The following ZDHHC14 variants were observed in gnomAD, a reference collection of about 807,000 sequenced individuals.
ZDHHC14 encodes palmitoyltransferase ZDHHC14.
ZDHHC14 carries 16 observed loss-of-function variants against 47.7 expected under a neutral mutation model. The ratio of observed to expected loss-of-function variants is 0.34; its 90% CI spans 0.23 to 0.51. The LOEUF is 0.51. Ranked by LOEUF, ZDHHC14 falls within the 20% of genes least tolerant of loss-of-function variation. The pLI, the probability that ZDHHC14 is intolerant of heterozygous loss-of-function variation, is 0.97. For missense variants in ZDHHC14, 515 were observed against 662.5 expected (o/e 0.78, Z 2.44); for synonymous variants, 293 against 278.9 (o/e 1.05, Z -0.50).
chr6:157,561,230 A>G (rs1187218660), intron 2 of ZDHHC14, among the ~76,000 whole-genome samples: 1 of 145,758 alleles, frequency 6.9e-6, no homozygotes, highest in African/African-American at 2.7e-5. Context: ...GTGTGGAAGA[A>G]GCATGCCTTG....
At chr6:157,552,982 G>T (rs941740259) in intron 2 of ZDHHC14, among the ~76,000 whole-genome samples, 1 of 152,232 alleles carries the variant, frequency 6.6e-6, no homozygotes, top group South Asian at 2.1e-4. Context: ...TATTCAGGGA[G>T]ACCATGCAGG....
At chr6:157,554,638 A>T (rs1782381295) in intron 2 of ZDHHC14, among the ~76,000 whole-genome samples, 1 of 152,210 alleles carries the variant, frequency 6.6e-6, no homozygotes, top group Non-Finnish European at 1.5e-5. Flanking sequence ...AAGGAATTGG[A>T]CCTAAAGACT....
intron 2 of ZDHHC14, among the ~76,000 whole-genome samples, chr6:157,584,334 T>C (rs1003173833): frequency 8.6e-5 from 13 of 151,164 alleles, no homozygotes; most frequent in Admixed American, 3.3e-4. Flanking sequence ...GCATAGTGAC[T>C]AGGCCCTTTG....
chr6:157,626,493 G>T (rs1381071111), intron 3 of ZDHHC14, among the ~76,000 whole-genome samples: 1 of 152,138 alleles, frequency 6.6e-6, no homozygotes, highest in Non-Finnish European at 1.5e-5. Context: ...TTTGTTCGTT[G>T]TCAATATTTA....
At chr6:157,479,835 G>A (rs1779580188) in intron 1 of ZDHHC14, among the ~76,000 whole-genome samples, 1 of 152,372 alleles carries the variant, frequency 6.6e-6, no homozygotes, top group Middle Eastern at 3.4e-3. Context: ...TGGAAGGCTG[G>A]TGGTGGTTTG....
At chr6:157,455,178 C>G (rs1778885460) in intron 1 of ZDHHC14, among the ~76,000 whole-genome samples, 3 of 152,192 alleles carry the variant, frequency 2.0e-5, no homozygotes, top group Admixed American at 6.5e-5. Flanking sequence ...TCCCGAAGTT[C>G]TTGAAGCATT....
At chr6:157,577,520 A>G (rs1388672850) in intron 2 of ZDHHC14, among the ~76,000 whole-genome samples, 1 of 151,568 alleles carries the variant, frequency 6.6e-6, no homozygotes, top group East Asian at 1.9e-4. Context: ...TTTCTTGGCA[A>G]CCTCTCCAGC....
At chr6:157,418,228 G>A (rs138701043) in intron 1 of ZDHHC14, among the ~76,000 whole-genome samples, 8,530 of 152,250 alleles carry the variant, frequency 0.056, 327 homozygotes, top group South Asian at 0.11. Flanking sequence ...CAGAGGTCAG[G>A]GTGGAGTGTG....
intron 8 of ZDHHC14, among the ~76,000 whole-genome samples, chr6:157,665,102 C>G (rs2115007676): frequency 6.6e-6 from 1 of 152,340 alleles, no homozygotes; most frequent in East Asian, 1.9e-4. Context: ...TCCCTTCCCT[C>G]AGGGATTACA....
At chr6:157,580,686 A>G (rs540247557) in intron 2 of ZDHHC14, among the ~76,000 whole-genome samples, 2 of 150,864 alleles carry the variant, frequency 1.3e-5, no homozygotes, top group East Asian at 3.9e-4. Context: ...AGAGGTGTTC[A>G]TAGTACTGTC....
chr6:157,550,692 G>T (rs1782194965), intron 2 of ZDHHC14, among the ~76,000 whole-genome samples: 1 of 152,232 alleles, frequency 6.6e-6, no homozygotes, highest in Non-Finnish European at 1.5e-5. Context: ...CCCTCTTTGT[G>T]TAGTTTGTGT....
intron 1 of ZDHHC14, among the ~76,000 whole-genome samples, chr6:157,501,319 G>A (rs975933833): frequency 2.0e-5 from 3 of 152,036 alleles, no homozygotes; most frequent in African/African-American, 7.2e-5. Flanking sequence ...AGACAACTAT[G>A]CAATTGTTTA....
intron 1 of ZDHHC14, among the ~76,000 whole-genome samples, chr6:157,454,311 T>A (rs1214162298): frequency 6.6e-6 from 1 of 152,250 alleles, no homozygotes; most frequent in Non-Finnish European, 1.5e-5. Context: ...CAATATTTAC[T>A]ACTTTTAAAG....
At chr6:157,460,069 A>G (rs1779035815) in intron 1 of ZDHHC14, among the ~76,000 whole-genome samples, 1 of 150,974 alleles carries the variant, frequency 6.6e-6, no homozygotes, top group Admixed American at 6.6e-5. Context: ...AAAAAAAAAA[A>G]AAAAAAATAG....
At chr6:157,523,213 C>T (rs138898824) in intron 1 of ZDHHC14, among the ~76,000 whole-genome samples, 4,032 of 151,750 alleles carry the variant, frequency 0.027, 194 homozygotes, top group African/African-American at 0.093. Flanking sequence ...TTAATGGGCA[C>T]TTAAATTTTT....
At chr6:157,672,624 A>ACGCCCCCC in intron 8 of ZDHHC14, 100 bp from the exon 9 acceptor site, 1 of 273,144 alleles carries the variant, frequency 3.7e-6, no homozygotes, top group Non-Finnish European at 7.2e-6. Context: ...CTCTTCTCGC[A>ACGCCCCCC]CCCCACCCTC....
intron 8 of ZDHHC14, among the ~76,000 whole-genome samples, chr6:157,671,671 A>G (rs565980742): frequency 6.6e-6 from 1 of 152,304 alleles, no homozygotes; most frequent in South Asian, 2.1e-4. Context: ...GAAACAGAGG[A>G]CACGAGGCAG....
At chr6:157,522,981 TTTTTCTTTTC>T (rs1274579627) in intron 1 of ZDHHC14, among the ~76,000 whole-genome samples, 2 of 29,806 alleles carry the variant, frequency 6.7e-5, no homozygotes, top group African/African-American at 2.2e-4. Context: ...TTTTCTTTTC[TTTTTCTTTTC>T]TTTTCTTTTC....
chr6:157,413,343 A>G (rs1232493320), intron 1 of ZDHHC14, among the ~76,000 whole-genome samples: 1 of 152,206 alleles, frequency 6.6e-6, no homozygotes, highest in Non-Finnish European at 1.5e-5. Context: ...AGATTTACAT[A>G]TGGAGAGAGA....
Sources: allele counts gnomAD v4.1 joint callset (sites outside exome capture counted in the v4.1 genomes callset), GRCh38; gene constraint gnomAD v4.1.1; transcripts MANE v1.5; gene names NCBI Gene and HGNC (gene_info 2026-07-23, HGNC 2026-07-21).